The following ELAC2 variants were observed in gnomAD, a reference collection of about 807,000 sequenced individuals.
ELAC2 encodes the protein zinc phosphodiesterase ELAC protein 2.
Under a neutral mutation model 105.2 loss-of-function variants are expected in ELAC2, and 92 were observed. That is an observed-to-expected ratio of 0.87 (90% CI 0.74 to 1.04). ELAC2 has a LOEUF of 1.04. ELAC2 is among the 50% of genes least tolerant of loss of function. The probability of loss-of-function intolerance (pLI) is 0.00; values close to 1 mark genes in which losing one functional copy is unlikely to be tolerated. For missense variants in ELAC2, 1,099 were observed against 1,071.7 expected (o/e 1.03, Z -0.36); for synonymous variants, 468 against 409.1 (o/e 1.14, Z -1.74).
Position 12,992,584 on chromosome 17 carries a change from G to C in ELAC2, c.*234C>G. 1 of 575,066 alleles carries C rather than the reference G, an allele frequency of 1.7e-6. No homozygotes were observed. Among genetic ancestry groups the C allele is most frequent in the South Asian group, 2.1e-5 (1 of 47,136 alleles). 35.6% of individuals were successfully genotyped at this position (575,066 alleles called of 1,614,324 possible). ...TGAAATGAAATTAGTTCATCTGCTTGCTTCCGTGTGGCAGCCTCCTGGCCC... is the reference window on the plus strand; with the variant it reads ...TGAAATGAAATTAGTTCATCTGCTTCCTTCCGTGTGGCAGCCTCCTGGCCC... On this transcript the variant is annotated 3_prime_UTR_variant, in exon 24 of 24. Coordinates refer to ENST00000338034, the MANE Select transcript of ELAC2 (RefSeq NM_018127.7).
intron 12 of ELAC2, 44 bp from the exon 13 acceptor site, chr17:13,002,623 C>A: frequency 6.4e-7 from 1 of 1,567,736 alleles, no homozygotes; most frequent in South Asian, 1.2e-5. Flanking sequence ...TGTTAGGAGG[C>A]AGCTCCCCCT....
At chr17:13,000,087 TAATG>T in intron 15 of ELAC2, 65 bp downstream of exon 15, 1 of 1,468,506 alleles carries the variant, frequency 6.8e-7, no homozygotes, top group African/African-American at 1.4e-5. Flanking sequence ...GCACTCCACT[TAATG>T]CTAGGAAAAC....
intron 12 of ELAC2, chr17:13,002,867 A>G (rs1014848569): frequency 8.2e-6 from 4 of 489,084 alleles, no homozygotes; most frequent in African/African-American, 7.8e-5. Flanking sequence ...CTGAGGAATG[A>G]AAGAGACAGC....
chr17:12,993,112 G>A lies in ELAC2; in HGVS notation c.2254-67C>T. ...CAGGGGTGGGGGACAGGAGCTGGAAGGGATGCAGTCATGTGCTCACACAGC... is the reference window on the plus strand; with the variant it reads ...CAGGGGTGGGGGACAGGAGCTGGAAAGGATGCAGTCATGTGCTCACACAGC... On this transcript the variant is annotated intron_variant, in intron 23 of 23. Coordinates refer to ENST00000338034, the MANE Select transcript of ELAC2 (RefSeq NM_018127.7). 5 of 1,503,524 alleles carry A rather than the reference G, an allele frequency of 3.3e-6. No individual in the cohort carries two copies. The South Asian group carries it at 3.4e-5, about 10-fold the overall frequency. The allele number at this position is 1,503,524 out of a possible 1,614,324, so 93.1% of individuals were successfully genotyped here. A position where few individuals can be genotyped will look rare whatever the true frequency, so the allele number is the denominator to read the frequency against.
intron 8 of ELAC2, chr17:13,006,261 T>G: frequency 2.4e-6 from 1 of 413,200 alleles, no homozygotes. Flanking sequence ...TCCCAGCAAC[T>G]CAGGAAGCTG....
At chr17:13,013,407 ACTTT>A (rs749630956) in intron 5 of ELAC2, 132 bp from the exon 6 acceptor site, 50 of 960,004 alleles carry the variant, frequency 5.2e-5, no homozygotes, top group Non-Finnish European at 6.7e-5. Context: ...CGAAAACCAG[ACTTT>A]CTAAGGAGAT....
In ELAC2 at chr17:13,014,389, G is replaced by A. The variant is rs182395755; in HGVS notation, c.490+50C>T. 1.1e-3 allele frequency: 1,481 copies of A among 1,377,396 alleles called. 4 individuals carry two copies. The highest frequency in any genetic ancestry group is 1.4e-3 in the Non-Finnish European group (1,335 of 964,140). The allele number at this position is 1,377,396 out of a possible 1,614,324, so 85.3% of individuals were successfully genotyped here. A position where few individuals can be genotyped will look rare whatever the true frequency, so the allele number is the denominator to read the frequency against. The stretch of plus-strand genomic sequence containing the variant: ...ATGGATTCTAATTTGAGAGGTCAGG[G>A]CATATATAAGTTAGAAATAGCAGAG... On this transcript the variant is annotated intron_variant, in intron 5 of 23. Coordinates refer to ENST00000338034, the MANE Select transcript of ELAC2 (RefSeq NM_018127.7).
rs577849731 is a variant in ELAC2 at position 12,992,699 on chromosome 17, T to G, written c.*119A>C. On this transcript the variant is annotated 3_prime_UTR_variant, in exon 24 of 24. Coordinates refer to ENST00000338034, the MANE Select transcript of ELAC2 (RefSeq NM_018127.7). ...CCTCGGCACAGCTCCATACCACCTA[T>G]CCTGAGCTGCCTCCTGGGGGACCGT... is the stretch of plus-strand genomic sequence containing the variant. The G allele has an allele frequency of 8.2e-5, 102 of 1,239,178 alleles. No homozygotes were observed. The highest frequency in any genetic ancestry group is 1.1e-4 in the Non-Finnish European group (97 of 868,710). The allele number at this position is 1,239,178 out of a possible 1,614,324, so 76.8% of individuals were successfully genotyped here. A position where few individuals can be genotyped will look rare whatever the true frequency, so the allele number is the denominator to read the frequency against.
chr17:12,993,894 T>C, intron 22 of ELAC2, 63 bp from the exon 23 acceptor site: 2 of 1,611,444 alleles, frequency 1.2e-6, no homozygotes, highest in Non-Finnish European at 8.5e-7. Context: ...AAGCAGACAG[T>C]GGCACAGACC....
At chr17:13,000,028 G>C in intron 15 of ELAC2, 128 bp downstream of exon 15, 1 of 812,528 alleles carries the variant, frequency 1.2e-6, no homozygotes, top group Non-Finnish European at 2.1e-6. Context: ...GAGCTGAGTA[G>C]AGAAGCCCTG....
chr17:13,017,362 CG>C, intron 1 of ELAC2: 1 of 625,218 alleles, frequency 1.6e-6, no homozygotes, highest in Non-Finnish European at 2.8e-6. Flanking sequence ...TCTCCACCAC[CG>C]GCTACACACC....
intron 5 of ELAC2, among the ~76,000 whole-genome samples, chr17:13,013,949 A>G (rs2041574106): frequency 6.6e-6 from 1 of 152,188 alleles, no homozygotes. Flanking sequence ...CAGCTGTTCA[A>G]TCACTCCTGC....
intron 7 of ELAC2, among the ~76,000 whole-genome samples, chr17:13,010,967 ATATAT>A (rs1342319524): frequency 1.3e-5 from 2 of 152,238 alleles, no homozygotes; most frequent in Admixed American, 6.5e-5. Flanking sequence ...ACAGAGAAAA[ATATAT>A]TGTAATGTGC....
intron 3 of ELAC2, 126 bp from the exon 4 acceptor site, chr17:13,015,958 G>A (rs1190143214): frequency 1.3e-6 from 1 of 777,912 alleles, no homozygotes; most frequent in African/African-American, 1.7e-5. Context: ...AGTACAACCA[G>A]GGAAGATGTA....
intron 7 of ELAC2, among the ~76,000 whole-genome samples, 168 bp downstream of exon 7, chr17:13,011,495 C>A (rs894640453): frequency 6.6e-6 from 1 of 152,172 alleles, no homozygotes; most frequent in Non-Finnish European, 1.5e-5. Context: ...GCCACCTTTA[C>A]AACAACCCTT....
At chr17:12,996,300 A>C in intron 17 of ELAC2, 1 of 652,914 alleles carries the variant, frequency 1.5e-6, no homozygotes, top group Non-Finnish European at 2.7e-6. Flanking sequence ...GAGATTCAAG[A>C]CTCAAGGAAG....
chr17:13,005,019 T>G lies in ELAC2; in HGVS notation c.953A>C (p.Gln318Pro), dbSNP rs781393603. The G allele has an allele frequency of 6.2e-7, 1 of 1,614,114 alleles. No homozygotes were observed. Among genetic ancestry groups the G allele is most frequent in the Non-Finnish European group, 8.5e-7 (1 of 1,179,984 alleles). ...AAAGGTGGCATTCTCACAGATGGGT[T>G]GAATGAAGCTTTCATCTGGACATTC... ...VVECPDESFI[Q>P]PICENATFQR... Residue 318 changes from glutamine (Q) to proline (P), a missense_variant, in exon 11 of 24, where the codon CAA (glutamine) becomes CCA (proline). Gln to Pro is a moderately conservative substitution (Grantham distance 76). Coordinates refer to ENST00000338034, the MANE Select transcript of ELAC2 (RefSeq NM_018127.7).
At position 13,014,420 on chromosome 17, in the gene ELAC2, G is replaced by C; in HGVS notation, c.490+19C>G. On this transcript the variant is annotated intron_variant, in intron 5 of 23. Transcript: ENST00000338034. ...ATAAGTTAGAAATAGCAGAGGATGA[G>C]TCACAGACAAAGACGTACCCAGTTC... 1.3e-6 allele frequency: 2 copies of C among 1,598,726 alleles called. No individual in the cohort carries two copies. Among genetic ancestry groups the C allele is most frequent in the Non-Finnish European group, 1.7e-6 (2 of 1,166,146 alleles).
chr17:13,011,808 T>C, intron 6 of ELAC2, 26 bp from the exon 7 acceptor site: 1 of 1,614,076 alleles, frequency 6.2e-7, no homozygotes, highest in South Asian at 1.1e-5. Context: ...ACCACCAAAT[T>C]ACACACTGCA....
Sources: gnomAD v4.1 joint callset for allele counts (sites outside exome capture counted in the v4.1 genomes callset) on GRCh38, gnomAD v4.1.1 for gene constraint, MANE v1.5 for transcripts, NCBI Gene and HGNC (gene_info 2026-07-23, HGNC 2026-07-21) for gene names.